The following MOV10L1 variants were observed in gnomAD, a reference collection of about 807,000 sequenced individuals.
MOV10L1 encodes Mov10 like RNA helicase 1, also known as RNA helicase Mov10l1.
A neutral mutation model predicts 143.8 loss-of-function variants in MOV10L1; 110 were observed. The ratio of observed to expected loss-of-function variants is 0.76; its 90% CI spans 0.66 to 0.90. The LOEUF is 0.90. Among genes scored for constraint, MOV10L1 ranks in the 40% least tolerant of loss-of-function variants. The pLI is 0.00. For synonymous variants in MOV10L1, 593 were observed against 581.1 expected, an observed-to-expected ratio of 1.02 and a Z score of -0.29; for missense variants, 1,406 against 1,526.8, an observed-to-expected ratio of 0.92 and a Z score of 1.32.
chr22:50,152,709 G>A lies in MOV10L1; in HGVS notation c.2893-336G>A, dbSNP rs2063331770. The stretch of plus-strand genomic sequence containing the variant: ...CAGGGTGAAGCTCTCAGCACACGAG[G>A]GAGGCATCCACCTGCCCTCCACCCG... On this transcript the variant is annotated intron_variant, in intron 21 of 26. Coordinates refer to ENST00000262794, the MANE Select transcript of MOV10L1 (RefSeq NM_018995.3). This position sits in a 1 kb window ranked among gnomAD's most constrained non-coding sequence, Gnocchi z 4.4. Among the ~76,000 whole-genome samples, 1 of 152,142 alleles carries A rather than the reference G, an allele frequency of 6.6e-6. No homozygotes were observed. The highest frequency in any genetic ancestry group is 1.5e-5 in the Non-Finnish European group (1 of 68,012).
intron 12 of MOV10L1, among the ~76,000 whole-genome samples, chr22:50,126,929 G>T (rs2062524044): frequency 6.6e-6 from 1 of 152,218 alleles, no homozygotes; most frequent in African/African-American, 2.4e-5. Flanking sequence ...TGATGCCACA[G>T]TCACTCTGCG....
rs1372391289 is a variant in MOV10L1 at position 50,160,717 on chromosome 22, T to C, written c.3354T>C (p.Asp1118=). 1.2e-6 allele frequency: 2 copies of C among 1,614,154 alleles called. No individual in the cohort carries two copies. Among genetic ancestry groups the C allele is most frequent in the Admixed American group, 1.7e-5 (1 of 60,012 alleles). The change falls in exon 25 of 27, where the codon GAT becomes GAC. Residue 1118 remains aspartate, a synonymous_variant. Transcript: ENST00000262794. ...GGTCAAATGAAGATAGATTTGAAGA[T>C]GATCGATATTTTTTGGGTTTCTTGT... ...TVRSNEDRFE[D]DRYFLGFLSN...
chr22:50,139,755 T>A (rs2062929566), intron 15 of MOV10L1, among the ~76,000 whole-genome samples: 1 of 152,158 alleles, frequency 6.6e-6, no homozygotes, highest in African/African-American at 2.4e-5. Context: ...AATAAACACA[T>A]GAAAGATGTT....
chr22:50,159,382 A>G lies in MOV10L1; in HGVS notation c.3217-296A>G, dbSNP rs761098491. 9 of 180,996 alleles carry G rather than the reference A, an allele frequency of 5.0e-5. No individual in the cohort carries two copies. The highest frequency in any genetic ancestry group is 7.1e-5 in the African/African-American group (3 of 41,990). 11.2% of individuals were successfully genotyped at this position (180,996 alleles called of 1,614,324 possible). On this transcript the variant is annotated intron_variant, in intron 23 of 26. Transcript: ENST00000262794. The surrounding 1 kb of genome is among the most constrained non-coding windows in gnomAD (Gnocchi z 4.1). ...TTTGGGAGGCCGAGGTAGGCGGATC[A>G]CAAGGTCAGGAGTTCAAGACCAGCC... is the stretch of plus-strand genomic sequence containing the variant.
intron 21 of MOV10L1, among the ~76,000 whole-genome samples, chr22:50,151,789 G>C (rs1007567112): frequency 6.6e-6 from 1 of 152,242 alleles, no homozygotes; most frequent in African/African-American, 2.4e-5. Context: ...GCACGCTGCC[G>C]TCCCCACCAC....
At chr22:50,135,802 A>G (rs2062809466) in intron 15 of MOV10L1, among the ~76,000 whole-genome samples, 1 of 151,892 alleles carries the variant, frequency 6.6e-6, no homozygotes, top group African/African-American at 2.4e-5. Context: ...AAATAGTAAT[A>G]TAGTGCCTAT....
At chr22:50,110,677 T>A (rs2061999871) in intron 5 of MOV10L1, among the ~76,000 whole-genome samples, 1 of 152,162 alleles carries the variant, frequency 6.6e-6, no homozygotes. Flanking sequence ...ACGCCTGTAA[T>A]CCTAGGACTT....
intron 22 of MOV10L1, 68 bp downstream of exon 22, chr22:50,153,286 C>T: frequency 6.7e-7 from 1 of 1,493,208 alleles, no homozygotes; most frequent in South Asian, 1.3e-5. Context: ...GGTCCTTCCT[C>T]CCAGGTGAGG....
rs2147104536 is a variant in MOV10L1, at chr22:50,108,257, C to T, written c.555+9C>T. ...ACAAGCGCGTGGACAAGGTAGCGTG[C>T]CGACTAGTGGCTCCTCTCTGTGCTT... On this transcript the variant is annotated intron_variant, in intron 4 of 26. Transcript: ENST00000262794. 6.2e-7 allele frequency: 1 copy of T among 1,605,104 alleles called. No individual in the cohort carries two copies. Among genetic ancestry groups the T allele is most frequent in the Non-Finnish European group, 8.5e-7 (1 of 1,175,188 alleles).
chr22:50,102,648 T>G (rs564128195), intron 3 of MOV10L1, among the ~76,000 whole-genome samples: 1 of 152,276 alleles, frequency 6.6e-6, no homozygotes, highest in South Asian at 2.1e-4. Flanking sequence ...ACACCTGTCA[T>G]CCCAGCACTT....
intron 3 of MOV10L1, among the ~76,000 whole-genome samples, chr22:50,103,262 C>T (rs1345764912): frequency 6.6e-6 from 1 of 152,200 alleles, no homozygotes; most frequent in Admixed American, 6.5e-5. Flanking sequence ...GTCCCCCAGC[C>T]CTGGCCTGCT....
At chr22:50,098,323 T>C (rs890191633) in intron 2 of MOV10L1, among the ~76,000 whole-genome samples, 1 of 147,174 alleles carries the variant, frequency 6.8e-6, no homozygotes, top group African/African-American at 2.4e-5. Context: ...CTTAAGATTG[T>C]CATTTTAATA....
chr22:50,149,740 G>A, intron 20 of MOV10L1, 26 bp downstream of exon 20: 2 of 1,593,008 alleles, frequency 1.3e-6, no homozygotes, highest in South Asian at 1.1e-5. Context: ...TGTGTGTGCT[G>A]CTTCCTCCTC....
At chr22:50,144,656 A>G (rs1019940289) in intron 18 of MOV10L1, among the ~76,000 whole-genome samples, 1 of 150,952 alleles carries the variant, frequency 6.6e-6, no homozygotes, top group Non-Finnish European at 1.5e-5. Flanking sequence ...ATCTCGGCTC[A>G]CTGCAAGCTC....
At chr22:50,107,150 C>G (rs1372586423) in intron 3 of MOV10L1, among the ~76,000 whole-genome samples, 1 of 151,432 alleles carries the variant, frequency 6.6e-6, no homozygotes, top group African/African-American at 2.4e-5. Context: ...TCTCAGCTCA[C>G]TGCAAACTCC....
At chr22:50,106,142 A>G (rs892321683) in intron 3 of MOV10L1, among the ~76,000 whole-genome samples, 8 of 152,082 alleles carry the variant, frequency 5.3e-5, no homozygotes, top group African/African-American at 1.9e-4. Flanking sequence ...GTCTTCTGAA[A>G]TCTTTACTTT....
intron 17 of MOV10L1, chr22:50,143,423 C>G: frequency 1.7e-6 from 1 of 602,762 alleles, no homozygotes; most frequent in Non-Finnish European, 2.9e-6. Context: ...GAAGGAAACT[C>G]ATTTTTAGCC....
intron 3 of MOV10L1, among the ~76,000 whole-genome samples, chr22:50,101,219 TTTTG>T (rs2061736236): frequency 6.6e-6 from 1 of 152,120 alleles, no homozygotes; most frequent in Non-Finnish European, 1.5e-5. Flanking sequence ...GTATGTGTGT[TTTTG>T]TTTTTGTTTT....
Position 50,158,257 on chromosome 22 carries a change from T to C in MOV10L1, c.3216+51T>C. On this transcript the variant is annotated intron_variant, in intron 23 of 26. Transcript: ENST00000262794. The surrounding 1 kb of genome is among the most constrained non-coding windows in gnomAD (Gnocchi z 5.0). ...TTCTGTGAGGTCCCTGCAGCCCTGC[T>C]CCTTGGCTCCTGCAGCTCCACAGAG... is the stretch of plus-strand genomic sequence containing the variant. 1.9e-6 allele frequency: 3 copies of C among 1,605,370 alleles called. No homozygotes were observed. The African/African-American group carries it at 4.0e-5, about 21-fold the overall frequency.
Sources: gnomAD v4.1 joint callset for allele counts (sites outside exome capture counted in the v4.1 genomes callset) on GRCh38, gnomAD v4.1.1 for gene constraint, Gnocchi (gnomAD v3.1) non-coding constraint, MANE v1.5 for transcripts, NCBI Gene and HGNC (gene_info 2026-07-23, HGNC 2026-07-21) for gene names.